Variants in STMN2 observed in about 807,000 individuals in gnomAD.
STMN2 encodes the protein stathmin 2.
In STMN2, 2 loss-of-function variants were observed where a neutral mutation model predicts 24.1. The observed-to-expected ratio is 0.08, with a 90% CI of 0.03 to 0.26. The LOEUF (loss-of-function observed/expected upper bound fraction) is 0.26. STMN2 is among the 10% of genes least tolerant of loss of function. The pLI is 1.00. For missense variants in STMN2, 114 were observed against 213.6 expected (o/e 0.53, Z 2.91); for synonymous variants, 83 against 77.5 (o/e 1.07, Z -0.37).
chr8:79,643,298 A>G (rs1255427196), intron 3 of STMN2, among the ~76,000 whole-genome samples: 3 of 151,286 alleles, frequency 2.0e-5, no homozygotes, highest in African/African-American at 7.3e-5. Context: ...TGTTATTTTT[A>G]GCTTTATTCT....
chr8:79,623,988 A>G (rs1306825868), intron 1 of STMN2, among the ~76,000 whole-genome samples: 1 of 152,210 alleles, frequency 6.6e-6, no homozygotes, highest in Non-Finnish European at 1.5e-5. Flanking sequence ...ATTTAGGATG[A>G]AAAGTTTTTC....
intron 3 of STMN2, 124 bp from the exon 4 acceptor site, chr8:79,654,747 A>G: frequency 1.8e-6 from 2 of 1,107,812 alleles, no homozygotes; most frequent in South Asian, 1.6e-5. Flanking sequence ...TACAGACTTG[A>G]CAATAGTGCT....
At chr8:79,659,528 T>C (rs73256032) in intron 4 of STMN2, among the ~76,000 whole-genome samples, 2,190 of 152,278 alleles carry the variant, frequency 0.014, 47 homozygotes, top group African/African-American at 0.049. Flanking sequence ...ATTCACCACC[T>C]GACCCTTTTA....
intron 4 of STMN2, among the ~76,000 whole-genome samples, chr8:79,664,261 T>C (rs1446044292): frequency 6.6e-6 from 1 of 152,154 alleles, no homozygotes. Flanking sequence ...GCATTGAAAA[T>C]TGCATGACAA....
intron 1 of STMN2, among the ~76,000 whole-genome samples, chr8:79,616,939 G>T (rs866086409): frequency 3.9e-4 from 60 of 152,156 alleles, no homozygotes; most frequent in Non-Finnish European, 6.5e-4. Flanking sequence ...AGAAATGAAT[G>T]TGAATGCGGC....
intron 3 of STMN2, among the ~76,000 whole-genome samples, chr8:79,643,676 G>A (rs1441894711): frequency 6.6e-6 from 1 of 152,124 alleles, no homozygotes; most frequent in African/African-American, 2.4e-5. Flanking sequence ...AAGAGTCCCT[G>A]AGGTTACTAA....
intron 1 of STMN2, among the ~76,000 whole-genome samples, chr8:79,618,559 T>C (rs1390250): frequency 0.11 from 16,064 of 152,228 alleles, 1,167 homozygotes; most frequent in Non-Finnish European, 0.16. Flanking sequence ...CATATTACCA[T>C]CAAAGCAGGC....
chr8:79,637,772 A>G (rs1295982266), intron 2 of STMN2, among the ~76,000 whole-genome samples: 1 of 152,216 alleles, frequency 6.6e-6, no homozygotes, highest in East Asian at 1.9e-4. Context: ...GGCATATTTT[A>G]CTAACTCTCA....
At chr8:79,659,003 A>T (rs1213266851) in intron 4 of STMN2, among the ~76,000 whole-genome samples, 1 of 152,246 alleles carries the variant, frequency 6.6e-6, no homozygotes, top group Non-Finnish European at 1.5e-5. Context: ...GTTGAGAACC[A>T]CTGTGCTAAA....
intron 1 of STMN2, among the ~76,000 whole-genome samples, chr8:79,627,891 A>G (rs918878555): frequency 6.6e-6 from 1 of 152,208 alleles, no homozygotes; most frequent in African/African-American, 2.4e-5. Context: ...TTCACTTGAC[A>G]TAATGTCCTT....
At chr8:79,621,537 T>C (rs1014847895) in intron 1 of STMN2, among the ~76,000 whole-genome samples, 1 of 152,226 alleles carries the variant, frequency 6.6e-6, no homozygotes, top group Non-Finnish European at 1.5e-5. Flanking sequence ...CCAGCCCTTC[T>C]TCCTCCTAAA....
intron 3 of STMN2, among the ~76,000 whole-genome samples, chr8:79,649,948 T>G (rs183816214): frequency 2.0e-4 from 31 of 152,354 alleles, no homozygotes; most frequent in Admixed American, 1.8e-3. Context: ...TCGCTTCACG[T>G]ACCTCTCATG....
At chr8:79,624,251 G>A (rs976697960) in intron 1 of STMN2, among the ~76,000 whole-genome samples, 5 of 151,872 alleles carry the variant, frequency 3.3e-5, no homozygotes, top group South Asian at 2.1e-4. Flanking sequence ...TCAGGAGATC[G>A]AGACCATCCT....
intron 1 of STMN2, among the ~76,000 whole-genome samples, chr8:79,622,006 G>A (rs557620407): frequency 2.0e-5 from 3 of 152,228 alleles, no homozygotes; most frequent in South Asian, 2.1e-4. Context: ...GAACTCAAAC[G>A]AATGTAAAAT....
At chr8:79,613,324 T>A in intron 1 of STMN2, 1 of 952,536 alleles carries the variant, frequency 1.0e-6, no homozygotes, top group Non-Finnish European at 1.3e-6. Context: ...ACGTGGCGAC[T>A]GGGTGTGTGG....
intron 3 of STMN2, among the ~76,000 whole-genome samples, chr8:79,651,803 T>C (rs1366753247): frequency 3.9e-5 from 6 of 152,150 alleles, no homozygotes; most frequent in Non-Finnish European, 8.8e-5. Flanking sequence ...ATGAAGTCCA[T>C]CTCAAAGGGC....
intron 1 of STMN2, chr8:79,611,813 TG>T (rs1285130379): frequency 3.6e-6 from 2 of 555,670 alleles, no homozygotes; most frequent in Non-Finnish European, 4.2e-6. Flanking sequence ...GGGGACAGGG[TG>T]GGGGTAGGAC....
chr8:79,643,210 C>G (rs1273492162), intron 3 of STMN2, among the ~76,000 whole-genome samples: 4 of 142,366 alleles, frequency 2.8e-5, no homozygotes, highest in African/African-American at 1.0e-4. Context: ...AAAACAGGAA[C>G]CTGAGCTACT....
intron 1 of STMN2, among the ~76,000 whole-genome samples, chr8:79,614,484 A>G (rs1157413120): frequency 1.3e-5 from 2 of 152,216 alleles, no homozygotes; most frequent in African/African-American, 4.8e-5. Context: ...AATCTCATGT[A>G]TTTAGTTTAT....
Sources: allele counts gnomAD v4.1 joint callset (sites outside exome capture counted in the v4.1 genomes callset), GRCh38; gene constraint gnomAD v4.1.1; transcripts MANE v1.5; gene names NCBI Gene and HGNC (gene_info 2026-07-23, HGNC 2026-07-21).